The following AKT3 variants were observed in gnomAD, a reference collection of about 807,000 sequenced individuals.
AKT3 encodes the protein RAC-gamma serine/threonine-protein kinase.
AKT3 carries 15 observed loss-of-function variants against 65.3 expected under a neutral mutation model. The ratio of observed to expected loss-of-function variants is 0.23; its 90% CI spans 0.15 to 0.35. AKT3 has a LOEUF of 0.35. AKT3 is among the 10% of genes least tolerant of loss of function. The pLI, the probability that AKT3 is intolerant of heterozygous loss-of-function variation, is 1.00. For synonymous variants in AKT3, 206 were observed against 183.8 expected (o/e 1.12, Z -0.98); for missense variants, 243 against 576.5 (o/e 0.42, Z 5.92).
chr1:243,745,258 T>C (rs1389005012), intron 2 of AKT3, among the ~76,000 whole-genome samples: 1 of 152,112 alleles, frequency 6.6e-6, no homozygotes, highest in Non-Finnish European at 1.5e-5. Context: ...AAGGATTACT[T>C]GAGCCCAGGA....
intron 2 of AKT3, among the ~76,000 whole-genome samples, chr1:243,796,777 T>C (rs114916525): frequency 0.026 from 3,950 of 152,172 alleles, 164 homozygotes; most frequent in African/African-American, 0.09. Flanking sequence ...GGTACATCCA[T>C]ATTATGGAGT....
chr1:243,595,137 C>T (rs1267289213), intron 8 of AKT3, among the ~76,000 whole-genome samples: 1 of 152,132 alleles, frequency 6.6e-6, no homozygotes, highest in East Asian at 1.9e-4. Flanking sequence ...CTTACATAAA[C>T]CTAAATGGCA....
chr1:243,609,706 A>T (rs1677721832), intron 8 of AKT3, among the ~76,000 whole-genome samples: 2 of 152,180 alleles, frequency 1.3e-5, no homozygotes, highest in South Asian at 4.1e-4. Context: ...CTATAGCCCA[A>T]TCCAAAACAG....
At chr1:243,519,345 T>A (rs1276235020) in intron 12 of AKT3, among the ~76,000 whole-genome samples, 2 of 152,144 alleles carry the variant, frequency 1.3e-5, no homozygotes, top group South Asian at 4.1e-4. Context: ...TTTAAACAAG[T>A]GGAATAAAGA....
downstream of AKT3, among the ~76,000 whole-genome samples, chr1:243,497,420 A>G (rs899265138): frequency 1.4e-4 from 22 of 151,906 alleles, no homozygotes; most frequent in Admixed American, 1.4e-3. Context: ...CCTGAACCGC[A>G]GGAAATACAA....
At chr1:243,680,371 G>C (rs924796377) in intron 3 of AKT3, among the ~76,000 whole-genome samples, 1 of 152,078 alleles carries the variant, frequency 6.6e-6, no homozygotes, top group Admixed American at 6.6e-5. Flanking sequence ...TTGTAATAAA[G>C]GGGCAATGTA....
At chr1:243,728,258 C>A (rs1040559576) in intron 2 of AKT3, among the ~76,000 whole-genome samples, 4 of 152,104 alleles carry the variant, frequency 2.6e-5, no homozygotes, top group African/African-American at 9.7e-5. Context: ...TTTAATCAAA[C>A]ACACACACAC....
intron 2 of AKT3, among the ~76,000 whole-genome samples, chr1:243,841,463 C>T (rs1321263214): frequency 1.3e-5 from 2 of 151,964 alleles, no homozygotes; most frequent in Admixed American, 6.6e-5. Flanking sequence ...AATATAAATA[C>T]GTTTAAAAAG....
Position 243,658,431 on chromosome 1 carries a change from G to C in AKT3, c.284+6341C>G, listed in dbSNP as rs189680114. Among the ~76,000 whole-genome samples the C allele has an allele frequency of 4.0e-3, 606 of 152,134 alleles. 4 individuals are homozygous for C. Among genetic ancestry groups the C allele is most frequent in the African/African-American group, 0.014 (582 of 41,500 alleles). ...TCACCTTACACCTGCTAGTATGGCT[G>C]TTGTTTTTAAAAAAACAACAACATA... On this transcript the variant is annotated intron_variant, in intron 4 of 13. Transcript: ENST00000673466.
At chr1:243,764,485 T>C (rs919206594) in intron 2 of AKT3, among the ~76,000 whole-genome samples, 11 of 152,114 alleles carry the variant, frequency 7.2e-5, no homozygotes, top group African/African-American at 2.7e-4. Flanking sequence ...AAAAGTATAA[T>C]ACACAAATAC....
chr1:243,530,937 T>C (rs1671481645), intron 12 of AKT3, among the ~76,000 whole-genome samples: 3 of 152,184 alleles, frequency 2.0e-5, no homozygotes, highest in Admixed American at 2.0e-4. Context: ...GCATTAAGAG[T>C]AGAAAATAAG....
rs1326904871 is a variant in AKT3 at position 243,500,017 on chromosome 1, A to AAGTT, written c.*5228_*5231dup. The AAGTT allele has an allele frequency of 6.9e-6, 4 of 583,814 alleles. No homozygotes were observed. The highest frequency in any genetic ancestry group is 2.2e-5 in the South Asian group (1 of 45,692). The allele number at this position is 583,814 out of a possible 1,614,324, so 36.2% of individuals were successfully genotyped here. Reference sequence around the variant, plus strand: ...GGTGTATGTTTTCAGAAATGGCTTGAAGTTATGTGTTTAAATCTGCTCATT... The same window carrying AAGTT: ...GGTGTATGTTTTCAGAAATGGCTTGAAGTTAGTTATGTGTTTAAATCTGCTCATT... On this transcript the variant is annotated 3_prime_UTR_variant, in exon 14 of 14. Coordinates refer to ENST00000673466, the MANE Select transcript of AKT3 (RefSeq NM_005465.7).
intron 8 of AKT3, chr1:243,612,777 A>T (rs973714110): frequency 1.3e-5 from 2 of 152,080 alleles, no homozygotes; most frequent in Non-Finnish European, 2.9e-5. Context: ...GTGGTGGCTC[A>T]CGCCTGTAAT....
At chr1:243,837,268 G>T (rs887213771) in intron 2 of AKT3, among the ~76,000 whole-genome samples, 1 of 152,156 alleles carries the variant, frequency 6.6e-6, no homozygotes, top group Non-Finnish European at 1.5e-5. Flanking sequence ...TACCAAAAAT[G>T]ACACAAGAGG....
chr1:243,629,562 G>A (rs1428231388), intron 6 of AKT3, among the ~76,000 whole-genome samples: 6 of 152,130 alleles, frequency 3.9e-5, no homozygotes, highest in Non-Finnish European at 7.4e-5. Context: ...GGAGGCCAAG[G>A]CGGGTGGATC....
chr1:243,651,902 GA>G (rs956561342), intron 4 of AKT3, among the ~76,000 whole-genome samples: 5 of 152,072 alleles, frequency 3.3e-5, no homozygotes, highest in African/African-American at 9.7e-5. Context: ...CAAAATGTAG[GA>G]AAAAATGTTG....
chr1:243,515,729 G>A (rs1386794130), intron 12 of AKT3, among the ~76,000 whole-genome samples: 1 of 152,164 alleles, frequency 6.6e-6, no homozygotes, highest in Non-Finnish European at 1.5e-5. Context: ...GGTGGCTCAT[G>A]CCTGTAATCC....
intron 6 of AKT3, among the ~76,000 whole-genome samples, chr1:243,616,098 T>G (rs570068213): frequency 6.6e-6 from 1 of 151,508 alleles, no homozygotes; most frequent in East Asian, 2.0e-4. Flanking sequence ...GAGCAGGTGG[T>G]GTTACATGAA....
intron 13 of AKT3, 148 bp from the exon 14 acceptor site, chr1:243,505,482 A>T: frequency 1.6e-6 from 1 of 616,846 alleles, no homozygotes; most frequent in South Asian, 2.1e-5. Flanking sequence ...GCTGTAGAGT[A>T]ATTATACTTC....
Sources: allele counts gnomAD v4.1 joint callset (sites outside exome capture counted in the v4.1 genomes callset), GRCh38; gene constraint gnomAD v4.1.1; transcripts MANE v1.5; gene names NCBI Gene and HGNC (gene_info 2026-07-23, HGNC 2026-07-21).